Variants in FEZ2 observed in about 807,000 individuals in gnomAD.
The protein encoded by FEZ2 is fasciculation and elongation protein zeta 2.
Under a neutral mutation model 40.4 loss-of-function variants are expected in FEZ2, and 51 were observed. The ratio of observed to expected loss-of-function variants is 1.26; its 90% CI spans 1.01 to 1.59. The LOEUF (loss-of-function observed/expected upper bound fraction) is 1.59, where lower values mean the gene tolerates loss of function less well. FEZ2 is among the 40% of genes most tolerant of loss of function. The pLI is 0.00. For synonymous variants in FEZ2, 242 were observed against 172.0 expected, an observed-to-expected ratio of 1.41 and a Z score of -3.18; for missense variants, 640 against 438.3, an observed-to-expected ratio of 1.46 and a Z score of -4.11.
At chr2:36,559,631 T>C (rs1459684759) in intron 5 of FEZ2, among the ~76,000 whole-genome samples, 1 of 152,230 alleles carries the variant, frequency 6.6e-6, no homozygotes, top group Non-Finnish European at 1.5e-5. Flanking sequence ...ATCGAATGTT[T>C]CTTTGTAAAG....
At chr2:36,556,661 G>C (rs1177144276) in intron 6 of FEZ2, 3 of 152,198 alleles carry the variant, frequency 2.0e-5, no homozygotes, top group Admixed American at 1.3e-4. Context: ...TCTGTGAAAT[G>C]AGAATAATAA....
intron 5 of FEZ2, among the ~76,000 whole-genome samples, chr2:36,576,349 A>G (rs1668568002): frequency 6.6e-6 from 1 of 151,846 alleles, no homozygotes; most frequent in South Asian, 2.1e-4. Context: ...GGCTCGCTGC[A>G]ACCTCCGCCT....
At chr2:36,579,764 T>A (rs186330680) in intron 4 of FEZ2, among the ~76,000 whole-genome samples, 1 of 152,262 alleles carries the variant, frequency 6.6e-6, no homozygotes, top group Non-Finnish European at 1.5e-5. Flanking sequence ...CTAAAAAAAC[T>A]GGGAAGACAA....
intron 7 of FEZ2, 134 bp from the exon 8 acceptor site, chr2:36,553,313 A>AT: frequency 2.9e-6 from 2 of 700,992 alleles, no homozygotes; most frequent in Middle Eastern, 2.9e-4. Context: ...CTATGTAGCA[A>AT]TTTTTTAAAG....
intron 5 of FEZ2, among the ~76,000 whole-genome samples, chr2:36,564,558 A>G (rs202027354): frequency 6.6e-6 from 1 of 152,324 alleles, no homozygotes; most frequent in Middle Eastern, 3.4e-3. Context: ...AATGCTGCAG[A>G]TAACTAACAC....
chr2:36,594,958 T>C (rs1438776784), intron 1 of FEZ2, among the ~76,000 whole-genome samples: 4 of 152,218 alleles, frequency 2.6e-5, no homozygotes, highest in Non-Finnish European at 5.9e-5. Flanking sequence ...TAGTGAAAGA[T>C]TTCTAGAATT....
In FEZ2 at chr2:36,555,766, G is replaced by A. The variant is rs1388738791; in HGVS notation, c.980-18C>T. 1 of 1,464,668 alleles carries A rather than the reference G, an allele frequency of 6.8e-7. No individual in the cohort carries two copies. The highest frequency in any genetic ancestry group is 9.3e-7 in the Non-Finnish European group (1 of 1,072,622). The allele number at this position is 1,464,668 out of a possible 1,614,324, so 90.7% of individuals were successfully genotyped here. A position where few individuals can be genotyped will look rare whatever the true frequency, so the allele number is the denominator to read the frequency against. On this transcript the variant is annotated intron_variant, in intron 6 of 7. Transcript: ENST00000405912. ...ACGAAGAACTGCAAAATAGAAGAGG[G>A]GAAAAAAGACAACAATTAAAAATTT...
In FEZ2 at chr2:36,578,637, G is replaced by C. The variant is rs775300229; in HGVS notation, c.863C>G (p.Ser288Cys). 1.2e-6 allele frequency: 2 copies of C among 1,613,528 alleles called. No individual in the cohort carries two copies. Among genetic ancestry groups the C allele is most frequent in the Non-Finnish European group, 8.5e-7 (1 of 1,179,824 alleles). ...KKKKKLKNGSSQNGKNERSHM... is the reference protein window; with the variant it reads ...KKKKKLKNGSCQNGKNERSHM... ...ACTTCTCTCATTCTTCCCATTCTGA[G>C]AGCTGCCATTTTTTAGTTTCTTTTT... Residue 288 changes from serine (S) to cysteine (C), a missense_variant, in exon 5 of 8, where the codon TCT becomes TGT. Coordinates refer to ENST00000405912, the MANE Select transcript of FEZ2 (RefSeq NM_005102.3).
Position 36,558,480 on chromosome 2 carries a change from T to A in FEZ2, c.937A>T (p.Asn313Tyr). 6.5e-7 allele frequency: 1 copy of A among 1,528,900 alleles called. No homozygotes were observed. The highest frequency in any genetic ancestry group is 8.8e-7 in the Non-Finnish European group (1 of 1,134,620). The allele number at this position is 1,528,900 out of a possible 1,614,324, so 94.7% of individuals were successfully genotyped here. The change falls in exon 6 of 8, where the codon AAC becomes TAC. Residue 313 changes from asparagine to tyrosine, a missense_variant. Physicochemically the swap from Asn to Tyr is moderately radical, Grantham distance 143. Transcript: ENST00000405912. ...AGATCTTCAACAGACGGTGGTCCGTTTTTTTTCTCATAAGGAATGACTGTA... is the reference window on the plus strand; with the variant it reads ...AGATCTTCAACAGACGGTGGTCCGTATTTTTTCTCATAAGGAATGACTGTA... ...LTTVIPYEKK[N>Y]GPPSVEDLQI...
intron 5 of FEZ2, among the ~76,000 whole-genome samples, chr2:36,566,871 T>C (rs1022365448): frequency 1.1e-4 from 16 of 152,186 alleles, no homozygotes; most frequent in African/African-American, 3.1e-4. Flanking sequence ...TATTTGTAAA[T>C]CCTACGAGTC....
intron 5 of FEZ2, among the ~76,000 whole-genome samples, chr2:36,560,453 A>T (rs1668064137): frequency 6.6e-6 from 1 of 152,216 alleles, no homozygotes; most frequent in Non-Finnish European, 1.5e-5. Flanking sequence ...CACATATTTT[A>T]GTTTAGTTAT....
In FEZ2 at chr2:36,565,330, C is replaced by T. The variant is rs72795253; in HGVS notation, c.904-6817G>A. Among the ~76,000 whole-genome samples the T allele has an allele frequency of 2.0e-3, 312 of 152,286 alleles. 1 individual carries two copies. Among genetic ancestry groups the T allele is most frequent in the Admixed American group, 5.2e-3 (80 of 15,304 alleles). ...CAGACAAACCCAAACATGTAACTAC[C>T]TGACCTAAAATCCATTTTTGGTTCT... On this transcript the variant is annotated intron_variant, in intron 5 of 7. Transcript: ENST00000405912.
chr2:36,589,624 C>G (rs1669007324), intron 2 of FEZ2: 1 of 152,178 alleles, frequency 6.6e-6, no homozygotes, highest in African/African-American at 2.4e-5. Flanking sequence ...CAAAAGATCC[C>G]TCATTTTATT....
chr2:36,563,913 A>G (rs951545475), intron 5 of FEZ2, among the ~76,000 whole-genome samples: 2 of 152,120 alleles, frequency 1.3e-5, no homozygotes, highest in Non-Finnish European at 2.9e-5. Flanking sequence ...AAGAGGGGCC[A>G]CTTTCTTCAC....
At chr2:36,595,489 T>G (rs1285736106) in intron 1 of FEZ2, among the ~76,000 whole-genome samples, 1 of 151,946 alleles carries the variant, frequency 6.6e-6, no homozygotes, top group Admixed American at 6.6e-5. Context: ...TGACAGGAGG[T>G]GGCTCAGGTG....
intron 7 of FEZ2, chr2:36,554,124 G>T: frequency 2.3e-6 from 1 of 441,616 alleles, no homozygotes; most frequent in Non-Finnish European, 4.7e-6. Flanking sequence ...CATGCACACA[G>T]ACAGCTCATC....
intron 5 of FEZ2, among the ~76,000 whole-genome samples, chr2:36,564,517 G>GGCACAAAAA (rs1178360524): frequency 6.6e-6 from 1 of 152,038 alleles, no homozygotes; most frequent in Non-Finnish European, 1.5e-5. Flanking sequence ...AGCATAAGGG[G>GGCACAAAAA]GCACAAAAAG....
rs114708076 is a variant in FEZ2, at chr2:36,553,492, G to T, written c.1046-313C>A. On this transcript the variant is annotated intron_variant, in intron 7 of 7. Coordinates refer to ENST00000405912, the MANE Select transcript of FEZ2 (RefSeq NM_005102.3). Reference sequence around the variant, plus strand: ...GTGACACAACAAACAGGATCCCTAGGGAAGTCAAAGAAGGGTGCAAGTTTC... The same window carrying T: ...GTGACACAACAAACAGGATCCCTAGTGAAGTCAAAGAAGGGTGCAAGTTTC... Among the ~76,000 whole-genome samples the T allele has an allele frequency of 5.8e-4, 89 of 152,168 alleles. 1 individual carries two copies. Among genetic ancestry groups the T allele is most frequent in the African/African-American group, 2.1e-3 (88 of 41,526 alleles).
In FEZ2 at chr2:36,581,432, C is replaced by G; in HGVS notation, c.493-1G>C. On this transcript the variant is annotated splice_acceptor_variant, in intron 3 of 7. Coordinates refer to ENST00000405912, the MANE Select transcript of FEZ2 (RefSeq NM_005102.3). LOFTEE classifies it high-confidence loss of function. ...TCATTTCTTCAATTTCTTCAATAAC[C>G]TTCGAAAACACACACACCACTGTTA... 6.2e-7 allele frequency: 1 copy of G among 1,613,122 alleles called. No individual in the cohort carries two copies. Among genetic ancestry groups the G allele is most frequent in the South Asian group, 1.1e-5 (1 of 91,056 alleles).
Sources: allele counts gnomAD v4.1 joint callset (sites outside exome capture counted in the v4.1 genomes callset), GRCh38; gene constraint gnomAD v4.1.1; transcripts MANE v1.5; gene names NCBI Gene and HGNC (gene_info 2026-07-23, HGNC 2026-07-21).